Variants in SMURF1 observed in about 807,000 individuals in gnomAD.
SMURF1 encodes the protein SMAD specific E3 ubiquitin protein ligase 1.
In SMURF1, 44 loss-of-function variants were observed where a neutral mutation model predicts 98.0. The observed-to-expected ratio is 0.45, with a 90% CI of 0.35 to 0.58. SMURF1 has a LOEUF of 0.58. Among genes scored for constraint, SMURF1 ranks in the 20% least tolerant of loss-of-function variants. The pLI, the probability that SMURF1 is intolerant of heterozygous loss-of-function variation, is 0.00. For synonymous variants in SMURF1, 396 were observed against 374.9 expected (o/e 1.06, Z -0.65); for missense variants, 687 against 938.4 (o/e 0.73, Z 3.50).
intron 1 of SMURF1, among the ~76,000 whole-genome samples, chr7:99,071,101 C>G (rs934600920): frequency 1.3e-5 from 2 of 151,058 alleles, no homozygotes; most frequent in Non-Finnish European, 2.9e-5. Flanking sequence ...GCTCTGTTGC[C>G]CAGGCTGGAG....
At chr7:99,049,447 G>T in intron 9 of SMURF1, 116 bp downstream of exon 9, 1 of 1,063,510 alleles carries the variant, frequency 9.4e-7, no homozygotes, top group Non-Finnish European at 1.4e-6. Context: ...ACATCATTTT[G>T]ACCATGCTTA....
chr7:99,037,822 A>C (rs542745229), intron 14 of SMURF1, among the ~76,000 whole-genome samples: 1 of 152,222 alleles, frequency 6.6e-6, no homozygotes, highest in Non-Finnish European at 1.5e-5. Context: ...AGGCGGAAGC[A>C]AGAGGATTGC....
At chr7:99,038,317 G>C in intron 14 of SMURF1, 71 bp downstream of exon 14, 1 of 1,564,970 alleles carries the variant, frequency 6.4e-7, no homozygotes, top group Non-Finnish European at 8.7e-7. Flanking sequence ...ACACAGCGAA[G>C]GAGCTACAGC....
chr7:99,103,133 C>T (rs1337551630), intron 1 of SMURF1, among the ~76,000 whole-genome samples: 2 of 152,008 alleles, frequency 1.3e-5, no homozygotes, highest in African/African-American at 2.4e-5. Context: ...TTTGGTGGCA[C>T]ATGTAATTGT....
intron 3 of SMURF1, 106 bp from the exon 4 acceptor site, chr7:99,057,657 T>C (rs1035905954): frequency 1.1e-5 from 14 of 1,312,964 alleles, no homozygotes; most frequent in Non-Finnish European, 1.3e-5. Flanking sequence ...CAGGCTGGAG[T>C]GCAGTTGTGT....
chr7:99,097,412 G>A (rs1483927020), intron 1 of SMURF1, among the ~76,000 whole-genome samples: 3 of 152,172 alleles, frequency 2.0e-5, no homozygotes, highest in Non-Finnish European at 1.5e-5. Context: ...AACTGTGCTG[G>A]GAGGTGGACC....
At chr7:99,059,402 A>AAAAATAAAATAAAATAAAAT (rs59050463) in intron 3 of SMURF1, among the ~76,000 whole-genome samples, 25 of 77,442 alleles carry the variant, frequency 3.2e-4, no homozygotes, top group South Asian at 1.6e-3. Context: ...CATCTCAAAA[A>AAAAATAAAATAAAATAAAAT]AAAATAAAAT....
chr7:99,049,451 A>G, intron 9 of SMURF1, 112 bp downstream of exon 9: 1 of 1,096,132 alleles, frequency 9.1e-7, no homozygotes, highest in Non-Finnish European at 1.3e-6. Context: ...CATTTTGACC[A>G]TGCTTATTAT....
intron 1 of SMURF1, among the ~76,000 whole-genome samples, chr7:99,072,624 A>G (rs182212378): frequency 1.2e-3 from 178 of 152,294 alleles, no homozygotes; most frequent in Admixed American, 1.4e-3. Flanking sequence ...GCCTGGAGAC[A>G]GAGCAAAATT....
chr7:99,036,392 G>A (rs779828870), intron 15 of SMURF1: 4 of 154,348 alleles, frequency 2.6e-5, no homozygotes, highest in Admixed American at 6.4e-5. Context: ...GTGGGAGGAT[G>A]GCTTCAGCCT....
rs769982206 is a variant in SMURF1, at chr7:99,035,495, C to T, written c.2011+20G>A. 3 of 1,613,588 alleles carry T rather than the reference C, an allele frequency of 1.9e-6. No individual in the cohort carries two copies. The highest frequency in any genetic ancestry group is 1.7e-6 in the Non-Finnish European group (2 of 1,179,892). On this transcript the variant is annotated intron_variant, in intron 16 of 17. Coordinates refer to ENST00000361368, the MANE Select transcript of SMURF1 (RefSeq NM_181349.3). Reference sequence around the variant, plus strand: ...GCACATAGACGCGTCATCGAATAGCCCTGCCTCCACGTCAGTCACCTTGCA... The same window carrying T: ...GCACATAGACGCGTCATCGAATAGCTCTGCCTCCACGTCAGTCACCTTGCA...
At chr7:99,056,935 G>T (rs1288978020) in intron 5 of SMURF1, among the ~76,000 whole-genome samples, 1 of 146,438 alleles carries the variant, frequency 6.8e-6, no homozygotes, top group African/African-American at 2.5e-5. Context: ...CCTGGGAGGC[G>T]GAGGTTGAGG....
At chr7:99,090,334 T>G (rs1194305558) in intron 1 of SMURF1, among the ~76,000 whole-genome samples, 2 of 152,168 alleles carry the variant, frequency 1.3e-5, no homozygotes, top group Admixed American at 6.5e-5. Context: ...GTAGAACTAG[T>G]TGATCATGGG....
intron 1 of SMURF1, among the ~76,000 whole-genome samples, chr7:99,063,273 A>ATATATATATATATATAAGATT (rs1796101658): frequency 7.8e-5 from 1 of 12,868 alleles, no homozygotes; most frequent in East Asian, 2.1e-3. Context: ...ATATATATAT[A>ATATATATATATATATAAGATT]TATATATATA....
intron 1 of SMURF1, among the ~76,000 whole-genome samples, chr7:99,141,805 A>T (rs1423540546): frequency 6.6e-6 from 1 of 152,242 alleles, no homozygotes; most frequent in Non-Finnish European, 1.5e-5. Context: ...CATCTGCCAT[A>T]AAGTGTTCAA....
intron 1 of SMURF1, among the ~76,000 whole-genome samples, chr7:99,129,677 C>A (rs1186043376): frequency 6.6e-6 from 1 of 152,216 alleles, no homozygotes; most frequent in Non-Finnish European, 1.5e-5. Flanking sequence ...CGGGTGTGAG[C>A]CACTGTACCC....
chr7:99,136,359 C>A (rs1436770822), intron 1 of SMURF1, among the ~76,000 whole-genome samples: 1 of 152,120 alleles, frequency 6.6e-6, no homozygotes, highest in South Asian at 2.1e-4. Context: ...GAAAACCAGA[C>A]TTTCATTTTC....
chr7:99,049,550 T>C lies in SMURF1; in HGVS notation c.953+13A>G, dbSNP rs1296495336. ...ATGAAAGAGGTCAGCAAAAAATATT[T>C]TTAAAGTCTTACTTCATGATGTGGT... On this transcript the variant is annotated intron_variant, in intron 9 of 17. Coordinates refer to ENST00000361368, the MANE Select transcript of SMURF1 (RefSeq NM_181349.3). The C allele has an allele frequency of 1.9e-6, 3 of 1,608,276 alleles. No homozygotes were observed. The highest frequency in any genetic ancestry group is 1.7e-6 in the Non-Finnish European group (2 of 1,178,010).
chr7:99,035,471 C>A, intron 16 of SMURF1, 44 bp downstream of exon 16: 1 of 1,606,576 alleles, frequency 6.2e-7, no homozygotes, highest in Admixed American at 1.7e-5. Flanking sequence ...GCCCACAGCG[C>A]ACATAGACGC....
Sources: allele counts gnomAD v4.1 joint callset (sites outside exome capture counted in the v4.1 genomes callset), GRCh38; gene constraint gnomAD v4.1.1; transcripts MANE v1.5; gene names NCBI Gene and HGNC (gene_info 2026-07-23, HGNC 2026-07-21).